The following ASTN1 variants were observed in gnomAD, a reference collection of about 807,000 sequenced individuals.
ASTN1 encodes the protein astrotactin 1, also known as astrotactin-1.
Under a neutral mutation model 140.7 loss-of-function variants are expected in ASTN1, and 41 were observed. The ratio of observed to expected loss-of-function variants is 0.29; its 90% CI spans 0.23 to 0.38. The LOEUF (loss-of-function observed/expected upper bound fraction) is 0.38, where lower values mean the gene tolerates loss of function less well. ASTN1 is among the 10% of genes least tolerant of loss of function. The probability of loss-of-function intolerance (pLI) is 1.00; values close to 1 mark genes in which losing one functional copy is unlikely to be tolerated. For synonymous variants in ASTN1, 640 were observed against 652.2 expected (o/e 0.98, Z 0.29); for missense variants, 1,479 against 1,678.8 (o/e 0.88, Z 2.08).
chr1:176,991,338 G>C (rs1424015801), intron 8 of ASTN1, among the ~76,000 whole-genome samples: 1 of 150,328 alleles, frequency 6.7e-6, no homozygotes, highest in African/African-American at 2.4e-5. Context: ...GCTTGAACCT[G>C]GGAGGCGAAG....
At position 176,897,741 on chromosome 1, in the gene ASTN1, G is replaced by C. The variant is rs557193356; in HGVS notation, c.2672-2911C>G. The stretch of plus-strand genomic sequence containing the variant: ...CATTTACCCGACAGAGAAAAATATA[G>C]AGGGGCATAGATGATGACAGGATAA... On this transcript the variant is annotated intron_variant, in intron 16 of 22. Coordinates refer to ENST00000361833, the MANE Select transcript of ASTN1 (RefSeq NM_004319.3). 4.6e-5 allele frequency among the ~76,000 whole-genome samples: 7 copies of C among 152,200 alleles called. No homozygotes were observed. In the South Asian group the frequency reaches 1.5e-3, roughly 32 times the overall value.
intron 21 of ASTN1, among the ~76,000 whole-genome samples, chr1:176,873,276 C>T (rs112885763): frequency 0.013 from 1,970 of 152,016 alleles, 40 homozygotes; most frequent in African/African-American, 0.046. Context: ...GAAGAACTCT[C>T]GGAAGGCCAT....
chr1:177,034,922 T>A lies in ASTN1; in HGVS notation c.472-2073A>T, dbSNP rs1676639709. 1.3e-5 allele frequency among the ~76,000 whole-genome samples: 2 copies of A among 152,178 alleles called. 1 individual carries two copies. Among genetic ancestry groups the A allele is most frequent in the South Asian group, 4.1e-4 (2 of 4,830 alleles). ...TCTAAGGAATGGCTTAAACACTATG[T>A]TTTTTGCTCATGTAGGGTTTTTTAG... is the stretch of plus-strand genomic sequence containing the variant. On this transcript the variant is annotated intron_variant, in intron 2 of 22. Coordinates refer to ENST00000361833, the MANE Select transcript of ASTN1 (RefSeq NM_004319.3).
chr1:177,115,265 C>A (rs1681026191), intron 1 of ASTN1, among the ~76,000 whole-genome samples: 1 of 152,040 alleles, frequency 6.6e-6, no homozygotes, highest in Admixed American at 6.6e-5. Flanking sequence ...TAAAATTAGC[C>A]CCCTCCAAAC....
At chr1:177,126,459 G>A (rs1681654769) in intron 1 of ASTN1, among the ~76,000 whole-genome samples, 1 of 152,132 alleles carries the variant, frequency 6.6e-6, no homozygotes, top group Admixed American at 6.5e-5. Context: ...TCTGAGATCT[G>A]GCTTGCTGAG....
chr1:177,112,600 A>C (rs566743004), intron 1 of ASTN1, among the ~76,000 whole-genome samples: 1 of 152,272 alleles, frequency 6.6e-6, no homozygotes, highest in South Asian at 2.1e-4. Context: ...CAAGGAGTAG[A>C]TTTTGCTCCC....
downstream of ASTN1, among the ~76,000 whole-genome samples, chr1:176,858,400 G>A (rs954755320): frequency 2.0e-5 from 3 of 152,180 alleles, no homozygotes; most frequent in African/African-American, 7.2e-5. Context: ...AGCAGGGTTA[G>A]GAGGCATTAG....
At chr1:177,107,042 G>A (rs1206821818) in intron 1 of ASTN1, among the ~76,000 whole-genome samples, 1 of 149,400 alleles carries the variant, frequency 6.7e-6, no homozygotes, top group African/African-American at 2.6e-5. Flanking sequence ...AGCTAATTTG[G>A]GGCAGCTGGC....
chr1:177,061,827 A>C (rs1290238525), intron 1 of ASTN1, among the ~76,000 whole-genome samples: 1 of 152,180 alleles, frequency 6.6e-6, no homozygotes, highest in Non-Finnish European at 1.5e-5. Flanking sequence ...GATGTTTGCT[A>C]ACTTGCTATG....
At chr1:177,067,766 G>A (rs915759171) in intron 1 of ASTN1, among the ~76,000 whole-genome samples, 2 of 152,088 alleles carry the variant, frequency 1.3e-5, no homozygotes, top group Admixed American at 6.6e-5. Flanking sequence ...AATGACAGGA[G>A]CACATTAATG....
At chr1:177,025,541 C>A (rs534784855) in intron 5 of ASTN1, among the ~76,000 whole-genome samples, 1 of 151,268 alleles carries the variant, frequency 6.6e-6, no homozygotes, top group South Asian at 2.1e-4. Flanking sequence ...CTTATGGAAG[C>A]AGAACAGATG....
chr1:177,075,645 C>CTTTTTTTTTTTTTTTTT (rs5778927), intron 1 of ASTN1, among the ~76,000 whole-genome samples: 2 of 99,546 alleles, frequency 2.0e-5, no homozygotes, highest in African/African-American at 8.4e-5. Flanking sequence ...CTTTTCTTTT[C>CTTTTTTTTTTTTTTTTT]TTTTTTTTTT....
rs761262925 is a variant in ASTN1, at chr1:177,086,991, A to C, written c.284-25726T>G. Among the ~76,000 whole-genome samples, 53 of 152,214 alleles carry C rather than the reference A, an allele frequency of 3.5e-4. 1 individual carries two copies. Among genetic ancestry groups the C allele is most frequent in the Non-Finnish European group, 4.9e-4 (33 of 68,038 alleles). ...ACTATCATAGCTACAGAGAACTAGA[A>C]AACGGCATCTATTCTCAAACTTTTT... is the stretch of plus-strand genomic sequence containing the variant. On this transcript the variant is annotated intron_variant, in intron 1 of 22. Transcript: ENST00000361833.
At chr1:177,030,776 C>A (rs763418386) in intron 4 of ASTN1, 30 bp downstream of exon 4, 1 of 1,613,318 alleles carries the variant, frequency 6.2e-7, no homozygotes, top group Non-Finnish European at 8.5e-7. Flanking sequence ...AAGGAATCCA[C>A]CCACGAGCCC....
rs753345154 is a variant in ASTN1 at position 176,953,880 on chromosome 1, AT to A, written c.1887+3797del. On this transcript the variant is annotated intron_variant, in intron 11 of 22. Coordinates refer to ENST00000361833, the MANE Select transcript of ASTN1 (RefSeq NM_004319.3). ...TTCTTACGTCTTACAAAGCTAAGGC[AT>A]TTTTTGGCCACTTTCAGAATGAGTG... 1.5e-4 allele frequency among the ~76,000 whole-genome samples: 23 copies of A among 152,300 alleles called. No individual in the cohort carries two copies. The East Asian group carries it at 2.1e-3, about 14-fold the overall frequency.
intron 21 of ASTN1, among the ~76,000 whole-genome samples, chr1:176,872,210 A>ATTT (rs1668379462): frequency 1.4e-5 from 2 of 146,950 alleles, no homozygotes; most frequent in Admixed American, 6.8e-5. Context: ...TTTTTTTTTA[A>ATTT]AAAAAAGCAC....
intron 9 of ASTN1, among the ~76,000 whole-genome samples, chr1:176,961,894 A>G (rs1672680755): frequency 6.6e-6 from 1 of 152,162 alleles, no homozygotes; most frequent in Admixed American, 6.5e-5. Context: ...AGTGCAGTTG[A>G]TGGCTCAGCT....
Position 176,970,555 on chromosome 1 carries a change from ATAGGTAGGTAGG to A in ASTN1, c.1524-5330_1524-5319del, listed in dbSNP as rs35499067. Among the ~76,000 whole-genome samples the A allele has an allele frequency of 8.6e-5, 13 of 150,928 alleles. No homozygotes were observed. The South Asian group carries it at 1.5e-3, about 17-fold the overall frequency. On this transcript the variant is annotated intron_variant, in intron 8 of 22. Transcript: ENST00000361833. Reference sequence around the variant, plus strand: ...CCAGGGAAAGGGAGAAGAAATAGAGATAGGTAGGTAGGTAGGTAGGTAGGTAGGTAGGTAGAT... The same window carrying A: ...CCAGGGAAAGGGAGAAGAAATAGAGATAGGTAGGTAGGTAGGTAGGTAGAT...
At chr1:176,894,900 CCT>C (rs1669442241) in intron 16 of ASTN1, 70 bp from the exon 17 acceptor site, 4 of 1,587,152 alleles carry the variant, frequency 2.5e-6, no homozygotes, top group Non-Finnish European at 3.4e-6. Context: ...CCTCGTGGCC[CCT>C]GAGTGCTGGG....
Sources: allele counts gnomAD v4.1 joint callset (sites outside exome capture counted in the v4.1 genomes callset), GRCh38; gene constraint gnomAD v4.1.1; transcripts MANE v1.5; gene names NCBI Gene and HGNC (gene_info 2026-07-23, HGNC 2026-07-21).